Variants in STIL observed in about 807,000 individuals in gnomAD.
STIL encodes the protein SCL-interrupting locus protein.
In STIL, 55 loss-of-function variants were observed where a neutral mutation model predicts 110.1. The observed-to-expected ratio is 0.50, with a 90% CI of 0.40 to 0.63. The LOEUF is 0.63. STIL is among the 20% of genes least tolerant of loss of function. The pLI is 0.00. For synonymous variants in STIL, 481 were observed against 530.0 expected (o/e 0.91, Z 1.27); for missense variants, 1,358 against 1,530.0 (o/e 0.89, Z 1.87).
chr1:47,301,888 A>G, intron 4 of STIL, 140 bp from the exon 5 acceptor site: 3 of 786,932 alleles, frequency 3.8e-6, no homozygotes, highest in East Asian at 5.3e-5. Flanking sequence ...AAACTCTTAC[A>G]GTAAACTAAA....
chr1:47,304,459 A>T (rs1390087827), intron 3 of STIL, among the ~76,000 whole-genome samples: 1 of 152,220 alleles, frequency 6.6e-6, no homozygotes, highest in Non-Finnish European at 1.5e-5. Context: ...TCTTATGTAC[A>T]AAACCTCAAT....
chr1:47,311,289 T>C (rs1404919403), intron 1 of STIL, among the ~76,000 whole-genome samples: 1 of 149,268 alleles, frequency 6.7e-6, no homozygotes, highest in African/African-American at 2.5e-5. Flanking sequence ...TTTTCTTTTT[T>C]TTTTTTTTTT....
At chr1:47,283,810 T>C (rs1250115857) in intron 10 of STIL, 2 of 150,664 alleles carry the variant, frequency 1.3e-5, no homozygotes, top group African/African-American at 2.4e-5. Context: ...AGTTGTGGCA[T>C]GGAATTAATA....
At chr1:47,284,399 A>G (rs972371710) in intron 10 of STIL, among the ~76,000 whole-genome samples, 1 of 152,144 alleles carries the variant, frequency 6.6e-6, no homozygotes, top group Non-Finnish European at 1.5e-5. Context: ...TCTATTACTT[A>G]GGCTAGAGTG....
chr1:47,295,824 G>C lies in STIL; in HGVS notation c.726C>G (p.Arg242=), dbSNP rs1017195428. 2 of 1,612,670 alleles carry C rather than the reference G, an allele frequency of 1.2e-6. No individual in the cohort carries two copies. Among genetic ancestry groups the C allele is most frequent in the African/African-American group, 2.7e-5 (2 of 74,874 alleles). Residue 242 remains arginine, a synonymous_variant, in exon 7 of 17, where the codon CGC becomes CGG. Coordinates refer to ENST00000371877, the MANE Select transcript of STIL (RefSeq NM_001048166.1). ...KYGYLTMDET[R]KLLLLLESDP... ...CAGATTCCAACAAAAGTAACAATTT[G>C]CGTGTTTCATCCATGGTAAGATATC...
At chr1:47,262,419 T>C (rs577963926) in intron 15 of STIL, among the ~76,000 whole-genome samples, 5 of 152,350 alleles carry the variant, frequency 3.3e-5, no homozygotes, top group East Asian at 3.9e-4. Context: ...TAATTGTTAC[T>C]AGTCTGCATG....
At chr1:47,291,951 G>T (rs902690604) in intron 8 of STIL, among the ~76,000 whole-genome samples, 1 of 151,782 alleles carries the variant, frequency 6.6e-6, no homozygotes, top group South Asian at 2.1e-4. Context: ...TGAACTCCTG[G>T]GCTCAAGCGA....
chr1:47,265,783 CAA>C (rs1179019596), intron 14 of STIL, among the ~76,000 whole-genome samples: 64 of 65,610 alleles, frequency 9.8e-4, no homozygotes, highest in Admixed American at 3.0e-3. Context: ...AAGACTGTCT[CAA>C]AAAAAAAAAA....
At chr1:47,312,670 T>A (rs1315703483) in intron 1 of STIL, among the ~76,000 whole-genome samples, 1 of 152,250 alleles carries the variant, frequency 6.6e-6, no homozygotes, top group African/African-American at 2.4e-5. Flanking sequence ...AAATGCGCTA[T>A]TTGTGTTTTA....
At chr1:47,296,715 C>G (rs931392772) in intron 6 of STIL, among the ~76,000 whole-genome samples, 3 of 152,064 alleles carry the variant, frequency 2.0e-5, no homozygotes, top group Non-Finnish European at 4.4e-5. Context: ...GAGGCTGAGG[C>G]AGGAGAATGA....
In STIL at chr1:47,293,468, CAGA is replaced by C. The variant is rs886042187; in HGVS notation, c.859_861del (p.Ser287del). On this transcript the variant is annotated inframe_deletion, in exon 8 of 17. Transcript: ENST00000371877. Reference sequence around the variant, plus strand: ...TAAAATATCACTTGCCTTTCTTGAACAGAAGAATTGAATATGTATCGCAAACAG... The same window carrying C: ...TAAAATATCACTTGCCTTTCTTGAACAGAATTGAATATGTATCGCAAACAG... 31 of 1,612,518 alleles carry C rather than the reference CAGA, an allele frequency of 1.9e-5. No homozygotes were observed. The Admixed American group carries it at 3.5e-4, about 18-fold the overall frequency.
intron 2 of STIL, chr1:47,305,250 T>C: frequency 5.3e-6 from 2 of 379,310 alleles, no homozygotes; most frequent in Non-Finnish European, 9.6e-6. Context: ...CTGAGCTTCC[T>C]GAGTAGCTGA....
chr1:47,272,076 C>G lies in STIL; in HGVS notation c.2383G>C (p.Gly795Arg). 1 of 1,613,832 alleles carries G rather than the reference C, an allele frequency of 6.2e-7. No individual in the cohort carries two copies. Among genetic ancestry groups the G allele is most frequent in the Non-Finnish European group, 8.5e-7 (1 of 1,179,910 alleles). The change falls in exon 13 of 17, where the codon GGT (glycine) becomes CGT (arginine). Residue 795 changes from glycine (G) to arginine (R), a missense_variant and splice_region_variant. Transcript: ENST00000371877. ...RKGVSIAVST[G>R]ASLFWNAAGE... The stretch of plus-strand genomic sequence containing the variant: ...CAAATTAAAAAAAAACTGAAATTAC[C>G]TGTGCTCACAGCAATGCTTACACCT...
chr1:47,279,866 T>C (rs1645108610), intron 12 of STIL, among the ~76,000 whole-genome samples: 1 of 152,158 alleles, frequency 6.6e-6, no homozygotes, highest in African/African-American at 2.4e-5. Flanking sequence ...AGATAGGCAT[T>C]ATATAGGGCT....
intron 8 of STIL, among the ~76,000 whole-genome samples, chr1:47,292,223 A>C (rs1285824685): frequency 1.3e-5 from 2 of 151,952 alleles, no homozygotes; most frequent in South Asian, 2.1e-4. Flanking sequence ...CATAATAGAT[A>C]TAATAGGTGC....
intron 15 of STIL, among the ~76,000 whole-genome samples, chr1:47,261,564 ACCCCAT>A (rs1644485993): frequency 6.6e-6 from 1 of 150,978 alleles, no homozygotes; most frequent in Non-Finnish European, 1.5e-5. Flanking sequence ...ACATGGTGAA[ACCCCAT>A]CTCTGCTAAA....
intron 7 of STIL, among the ~76,000 whole-genome samples, chr1:47,294,874 G>A (rs1645597127): frequency 6.6e-6 from 1 of 152,098 alleles, no homozygotes; most frequent in Middle Eastern, 3.2e-3. Flanking sequence ...GAATACTGAA[G>A]AAACAGGGCT....
chr1:47,280,893 A>C lies in STIL; in HGVS notation c.1565T>G (p.Ile522Ser). 1 of 1,614,176 alleles carries C rather than the reference A, an allele frequency of 6.2e-7. No individual in the cohort carries two copies. The highest frequency in any genetic ancestry group is 8.5e-7 in the Non-Finnish European group (1 of 1,180,028). The change falls in exon 12 of 17, where the codon ATT (isoleucine) becomes AGT (serine). Residue 522 changes from isoleucine to serine, a missense_variant. By Grantham distance (142) the Ile-to-Ser change is moderately radical. Coordinates refer to ENST00000371877, the MANE Select transcript of STIL (RefSeq NM_001048166.1). ...TGGCCCATTATGAGAAGATGGTTTA[A>C]TACTGTTCCTGGTATGGGGGTTCCC... ...KKGNPHTRNS[I>S]KPSSHNGPSH...
At chr1:47,308,386 G>C (rs181034328) in intron 2 of STIL, among the ~76,000 whole-genome samples, 2 of 146,262 alleles carry the variant, frequency 1.4e-5, no homozygotes, top group African/African-American at 5.1e-5. Flanking sequence ...CCCCGATACT[G>C]TCTCAAAAAA....
Sources: gnomAD v4.1 joint callset for allele counts (sites outside exome capture counted in the v4.1 genomes callset) on GRCh38, gnomAD v4.1.1 for gene constraint, MANE v1.5 for transcripts, NCBI Gene and HGNC (gene_info 2026-07-23, HGNC 2026-07-21) for gene names.